CDH3: variants seen among roughly 807,000 people sequenced by gnomAD.
CDH3 encodes the protein cadherin-3.
CDH3 carries 54 observed loss-of-function variants against 82.0 expected under a neutral mutation model. That is an observed-to-expected ratio of 0.66 (90% CI 0.53 to 0.83). CDH3 has a LOEUF of 0.83. Ranked by LOEUF, CDH3 falls within the 40% of genes least tolerant of loss-of-function variation. The pLI is 0.00. For missense variants in CDH3, 1,054 were observed against 1,084.6 expected, an observed-to-expected ratio of 0.97 and a Z score of 0.40; for synonymous variants, 446 against 437.9, an observed-to-expected ratio of 1.02 and a Z score of -0.23.
At position 68,645,644 on chromosome 16, in the gene CDH3, G is replaced by T; in HGVS notation, c.54G>T (p.Trp18Cys). ...LASLLLLQVC[W>C]LQCAASEPCR... ...TCTGCCCTCGGGCGCAGGTTTGCTG[G>T]CTGCAGTGCGCGGCCTCCGAGCCGT... The change falls in exon 2 of 16, where the codon TGG becomes TGT. Residue 18 changes from tryptophan to cysteine, a missense_variant. Trp to Cys is a radical substitution (Grantham distance 215). Transcript: ENST00000264012. 1 of 1,542,226 alleles carries T rather than the reference G, an allele frequency of 6.5e-7. No individual in the cohort carries two copies.
At chr16:68,705,484 G>A (rs1476617995) in intron 1 of CDH3, among the ~76,000 whole-genome samples, 2 of 151,830 alleles carry the variant, frequency 1.3e-5, no homozygotes, top group Non-Finnish European at 2.9e-5. Context: ...GCAGTGACGC[G>A]ATCTTGGCTC....
intron 1 of CDH3, among the ~76,000 whole-genome samples, chr16:68,712,387 C>G (rs547416351): frequency 6.6e-6 from 1 of 152,008 alleles, no homozygotes; most frequent in Admixed American, 6.6e-5. Flanking sequence ...AGTGGCCAAG[C>G]AGAATTTCAA....
intron 2 of CDH3, among the ~76,000 whole-genome samples, chr16:68,650,188 C>T (rs1389029751): frequency 6.6e-6 from 1 of 152,172 alleles, no homozygotes. Flanking sequence ...TAGAGAAAGC[C>T]GGCCACTCAG....
At chr16:68,677,580 A>T (rs1961066267) in intron 3 of CDH3, among the ~76,000 whole-genome samples, 1 of 152,170 alleles carries the variant, frequency 6.6e-6, no homozygotes, top group African/African-American at 2.4e-5. Context: ...TCTACTAAAA[A>T]TACAAAAATT....
At chr16:68,696,438 T>A in intron 15 of CDH3, 1 of 219,160 alleles carries the variant, frequency 4.6e-6, no homozygotes, top group Non-Finnish European at 9.0e-6. Flanking sequence ...ACAAAAATGA[T>A]TAGGAGGCTG....
intron 2 of CDH3, among the ~76,000 whole-genome samples, chr16:68,654,420 C>T (rs1394933059): frequency 1.0e-4 from 5 of 48,088 alleles, no homozygotes; most frequent in African/African-American, 3.4e-4. Flanking sequence ...TTTTTTTTTG[C>T]GGCTGGGTGC....
At position 68,694,578 on chromosome 16, in the gene CDH3, C is replaced by A. The variant is rs140814759; in HGVS notation, c.2003-677C>A. The stretch of plus-strand genomic sequence containing the variant: ...CGGAGGTTGCAGTGAGCCGAGATTG[C>A]ACCAGTGCACTCTAGCCTGGGCGAC... On this transcript the variant is annotated intron_variant, in intron 13 of 15. Transcript: ENST00000264012. Among the ~76,000 whole-genome samples the A allele has an allele frequency of 8.0e-3, 1,195 of 149,612 alleles. 15 individuals carry two copies. The highest frequency in any genetic ancestry group is 0.027 in the African/African-American group (1,098 of 40,484).
intron 1 of CDH3, among the ~76,000 whole-genome samples, chr16:68,716,226 A>AG (rs1052352636): frequency 3.9e-5 from 6 of 151,972 alleles, no homozygotes; most frequent in African/African-American, 1.2e-4. Context: ...GAAAAAAAAA[A>AG]AAAAGACTAA....
intron 1 of CDH3, among the ~76,000 whole-genome samples, chr16:68,719,478 A>AT (rs1250877034): frequency 1.9e-5 from 2 of 103,872 alleles, no homozygotes; most frequent in African/African-American, 7.1e-5. Context: ...GCACAGGGGG[A>AT]TTTTTTGGCA....
At chr16:68,676,545 CT>C in intron 3 of CDH3, 75 bp downstream of exon 3, 1 of 1,218,742 alleles carries the variant, frequency 8.2e-7, no homozygotes, top group Non-Finnish European at 1.2e-6. Context: ...GCCAGGAGCC[CT>C]TGGTTGCTGT....
intron 1 of CDH3, 31 bp downstream of exon 1, chr16:68,645,455 G>T (rs1374390136): frequency 6.2e-7 from 1 of 1,610,884 alleles, no homozygotes. Context: ...GGCCCCGACC[G>T]GGACCGCTCC....
chr16:68,658,779 C>A (rs975206250), intron 2 of CDH3, among the ~76,000 whole-genome samples: 1 of 152,192 alleles, frequency 6.6e-6, no homozygotes, highest in Non-Finnish European at 1.5e-5. Context: ...AAGTCTCCTG[C>A]ATTCCTCAGC....
chr16:68,665,482 G>A (rs1960708230), intron 2 of CDH3, among the ~76,000 whole-genome samples: 1 of 152,156 alleles, frequency 6.6e-6, no homozygotes, highest in African/African-American at 2.4e-5. Context: ...GTGTGTGTGT[G>A]TATTCCCATT....
chr16:68,660,185 T>C (rs557760702), intron 2 of CDH3, among the ~76,000 whole-genome samples: 3 of 152,318 alleles, frequency 2.0e-5, no homozygotes, highest in East Asian at 1.9e-4. Context: ...TCCAGATAAA[T>C]TGAGCTTTCA....
chr16:68,710,543 G>A (rs1008896033), intron 1 of CDH3, among the ~76,000 whole-genome samples: 2 of 152,090 alleles, frequency 1.3e-5, no homozygotes, highest in African/African-American at 2.4e-5. Context: ...TCCTCCCTCT[G>A]AAAAGTCAAT....
chr16:68,668,340 A>G (rs1489597501), intron 2 of CDH3, among the ~76,000 whole-genome samples: 1 of 152,174 alleles, frequency 6.6e-6, no homozygotes, highest in Non-Finnish European at 1.5e-5. Flanking sequence ...AACAGGAGTC[A>G]GTTTACTTCG....
chr16:68,731,421 CACAT>C (rs1166813243), downstream of CDH3, among the ~76,000 whole-genome samples: 7 of 16,056 alleles, frequency 4.4e-4, 1 homozygote, highest in African/African-American at 2.2e-3. Context: ...TATACATATA[CACAT>C]ATATACACAT....
At chr16:68,711,265 C>T (rs1026351019) in intron 1 of CDH3, among the ~76,000 whole-genome samples, 5 of 147,450 alleles carry the variant, frequency 3.4e-5, no homozygotes, top group Non-Finnish European at 6.0e-5. Flanking sequence ...AGCTGGGTTG[C>T]GGCATTGCAC....
chr16:68,682,438 C>G lies in CDH3; in HGVS notation c.1133C>G (p.Thr378Ser). Reference sequence around the variant, plus strand: ...GGCGGTGACGACGGGGACCATTTTACCATCACCACCCACCCTGAGAGCAAC... The same window carrying G: ...GGCGGTGACGACGGGGACCATTTTAGCATCACCACCCACCCTGAGAGCAAC... ...IMGGDDGDHF[T>S]ITTHPESNQG... Residue 378 changes from threonine (T) to serine (S), a missense_variant, in exon 9 of 16, where the codon ACC becomes AGC. Coordinates refer to ENST00000264012, the MANE Select transcript of CDH3 (RefSeq NM_001793.6). The G allele has an allele frequency of 1.9e-6, 3 of 1,614,122 alleles. No homozygotes were observed. Among genetic ancestry groups the G allele is most frequent in the Non-Finnish European group, 2.5e-6 (3 of 1,180,032 alleles).
Sources: allele counts gnomAD v4.1 joint callset (sites outside exome capture counted in the v4.1 genomes callset), GRCh38; gene constraint gnomAD v4.1.1; transcripts MANE v1.5; gene names NCBI Gene and HGNC (gene_info 2026-07-23, HGNC 2026-07-21).